Variants in GLIS3 observed in about 807,000 individuals in gnomAD.
The protein encoded by GLIS3 is zinc finger protein GLIS3.
A neutral mutation model predicts 78.6 loss-of-function variants in GLIS3; 53 were observed. The ratio of observed to expected loss-of-function variants is 0.67; its 90% confidence interval spans 0.54 to 0.85. The LOEUF is 0.85. Among genes scored for constraint, GLIS3 ranks in the 40% least tolerant of loss-of-function variants. GLIS3 has a pLI of 0.00. For missense variants in GLIS3, 1,703 were observed against 1,231.1 expected (o/e 1.38, Z -5.74); for synonymous variants, 684 against 509.9 (o/e 1.34, Z -4.60).
At chr9:4,195,429 G>C (rs1016502143) in intron 2 of GLIS3, among the ~76,000 whole-genome samples, 4 of 152,208 alleles carry the variant, frequency 2.6e-5, no homozygotes, top group African/African-American at 9.6e-5. Context: ...ACAGTGAGGG[G>C]CTTAGCACCC....
intron 8 of GLIS3, among the ~76,000 whole-genome samples, chr9:3,865,025 G>C (rs1196271493): frequency 1.2e-4 from 18 of 152,146 alleles, no homozygotes; most frequent in Non-Finnish European, 2.4e-4. Flanking sequence ...CAAATGTCCA[G>C]CTGGATATTA....
intron 2 of GLIS3, chr9:4,144,722 A>T (rs1350953564): frequency 6.6e-6 from 1 of 152,256 alleles, no homozygotes; most frequent in African/African-American, 2.4e-5. Context: ...AAATGGTTAG[A>T]ATTCAATAAA....
chr9:4,462,639 G>GA, the GLIS3 span, among the ~76,000 whole-genome samples: 4 of 142,632 alleles, frequency 2.8e-5, no homozygotes, highest in South Asian at 6.6e-4. Flanking sequence ...ACACAGACAC[G>GA]CACACACACA....
chr9:4,359,989 GT>G, the GLIS3 span, among the ~76,000 whole-genome samples: 2 of 149,880 alleles, frequency 1.3e-5, no homozygotes, highest in African/African-American at 2.5e-5. Flanking sequence ...TACATATAAT[GT>G]ATTTTAAGCA....
At chr9:4,282,700 T>C (rs751553698) in intron 2 of GLIS3, among the ~76,000 whole-genome samples, 30 of 152,096 alleles carry the variant, frequency 2.0e-4, no homozygotes, top group Non-Finnish European at 3.8e-4. Flanking sequence ...AACCTGCCAC[T>C]CTCCATAATC....
intron 9 of GLIS3, among the ~76,000 whole-genome samples, chr9:3,837,092 A>T (rs1442803934): frequency 6.6e-6 from 1 of 152,198 alleles, no homozygotes; most frequent in Admixed American, 6.5e-5. Context: ...CTTCAGGGTC[A>T]CCAAGTCTCA....
intron 9 of GLIS3, among the ~76,000 whole-genome samples, chr9:3,839,238 G>C (rs1183429800): frequency 6.6e-6 from 1 of 152,156 alleles, no homozygotes; most frequent in East Asian, 1.9e-4. Context: ...GTCAATAAAA[G>C]TGCAAAATTC....
At chr9:3,955,886 T>G (rs531641999) in intron 4 of GLIS3, among the ~76,000 whole-genome samples, 1 of 152,054 alleles carries the variant, frequency 6.6e-6, no homozygotes, top group South Asian at 2.1e-4. Context: ...GTCAATATAA[T>G]CAGCAATGAG....
At chr9:4,163,176 C>G (rs770832746) in intron 2 of GLIS3, among the ~76,000 whole-genome samples, 3 of 152,244 alleles carry the variant, frequency 2.0e-5, no homozygotes, top group Non-Finnish European at 4.4e-5. Flanking sequence ...GGTTTGAACA[C>G]AGATCTGCCT....
At chr9:4,179,840 G>A (rs936793727) in intron 2 of GLIS3, among the ~76,000 whole-genome samples, 1 of 151,700 alleles carries the variant, frequency 6.6e-6, no homozygotes, top group African/African-American at 2.4e-5. Context: ...AACCCGGGAG[G>A]CAGAGGCTAC....
At chr9:4,033,464 T>G (rs1406357174) in intron 4 of GLIS3, among the ~76,000 whole-genome samples, 2 of 152,022 alleles carry the variant, frequency 1.3e-5, no homozygotes, top group Non-Finnish European at 2.9e-5. Flanking sequence ...AGCACAGGCT[T>G]TAAGTAGGTA....
chr9:4,096,476 T>A (rs1013655976), intron 4 of GLIS3, among the ~76,000 whole-genome samples: 1 of 152,322 alleles, frequency 6.6e-6, no homozygotes, highest in South Asian at 2.1e-4. Context: ...TCAGTAGTCA[T>A]TTATAATTTT....
chr9:3,830,331 C>A (rs1181944886), intron 9 of GLIS3, among the ~76,000 whole-genome samples: 1 of 152,066 alleles, frequency 6.6e-6, no homozygotes, highest in African/African-American at 2.4e-5. Flanking sequence ...ACATTTAAGT[C>A]AACAGATTAT....
At chr9:3,911,881 G>A (rs1020687589) in intron 6 of GLIS3, among the ~76,000 whole-genome samples, 2 of 152,002 alleles carry the variant, frequency 1.3e-5, no homozygotes, top group Non-Finnish European at 2.9e-5. Context: ...TTATCACTCC[G>A]TAACATGCAC....
intron 4 of GLIS3, among the ~76,000 whole-genome samples, chr9:4,074,074 A>G (rs542228936): frequency 1.1e-4 from 17 of 152,120 alleles, no homozygotes; most frequent in Non-Finnish European, 2.2e-4. Context: ...TAGTATTTCT[A>G]TTTCTCCAGC....
At chr9:4,486,584 C>T in the GLIS3 span, among the ~76,000 whole-genome samples, 1 of 152,154 alleles carries the variant, frequency 6.6e-6, no homozygotes, top group Non-Finnish European at 1.5e-5. Context: ...TGAAGTCTCC[C>T]GTGTGTATAC....
intron 2 of GLIS3, among the ~76,000 whole-genome samples, chr9:4,152,705 T>A (rs1303483666): frequency 1.3e-5 from 2 of 152,094 alleles, no homozygotes; most frequent in African/African-American, 2.4e-5. Context: ...TAAACGAAAA[T>A]TCAATAAGGT....
rs370262078 is a variant in GLIS3, at chr9:4,161,620, T to G, written c.389-35679A>C. The stretch of plus-strand genomic sequence containing the variant: ...CTGCCGTAACAAAAGTACAACAAAC[T>G]GAATGGCTTGAAACAACAGGATTTT... On this transcript the variant is annotated intron_variant, in intron 2 of 10. Coordinates refer to ENST00000381971, the MANE Select transcript of GLIS3 (RefSeq NM_001042413.2). Among the ~76,000 whole-genome samples the G allele has an allele frequency of 4.6e-5, 7 of 151,160 alleles. No homozygotes were observed. The East Asian group carries it at 1.2e-3, about 25-fold the overall frequency.
At chr9:4,342,567 T>C (rs893722020) in intron 2 of GLIS3, among the ~76,000 whole-genome samples, 3 of 152,252 alleles carry the variant, frequency 2.0e-5, no homozygotes, top group African/African-American at 7.2e-5. Context: ...AGAATTGCTG[T>C]GGCTATTTCA....
Sources: allele counts gnomAD v4.1 joint callset (sites outside exome capture counted in the v4.1 genomes callset), GRCh38; gene constraint gnomAD v4.1.1; transcripts MANE v1.5; gene names NCBI Gene and HGNC (gene_info 2026-07-23, HGNC 2026-07-21).